The following TENM3 variants were observed in gnomAD, a reference collection of about 807,000 sequenced individuals.
TENM3 encodes teneurin transmembrane protein 3.
A neutral mutation model predicts 255.1 loss-of-function variants in TENM3; 63 were observed. That is an observed-to-expected ratio of 0.25 (90% CI 0.20 to 0.30). The LOEUF is 0.30. TENM3 is among the 10% of genes least tolerant of loss of function. The pLI is 1.00. For missense variants in TENM3, 2,929 were observed against 3,461.1 expected (o/e 0.85, Z 3.86); for synonymous variants, 1,306 against 1,322.3 (o/e 0.99, Z 0.27).
chr4:182,192,244 G>A (rs1345964259), intron 1 of TENM3, among the ~76,000 whole-genome samples: 1 of 152,104 alleles, frequency 6.6e-6, no homozygotes, highest in Non-Finnish European at 1.5e-5. Context: ...AGTTTCTACC[G>A]AGGGTCCACA....
intron 3 of TENM3, among the ~76,000 whole-genome samples, chr4:182,388,986 C>A (rs573147926): frequency 6.6e-6 from 1 of 152,272 alleles, no homozygotes; most frequent in East Asian, 1.9e-4. Flanking sequence ...TAAATCTAGT[C>A]CCTTTCATAA....
At chr4:181,620,630 T>G in the TENM3 span, among the ~76,000 whole-genome samples, 1 of 143,098 alleles carries the variant, frequency 7.0e-6, no homozygotes, top group South Asian at 2.2e-4. Context: ...AGGGAAAGCC[T>G]ACGTGAGGAG....
At chr4:181,495,053 G>C in the TENM3 span, among the ~76,000 whole-genome samples, 3 of 152,050 alleles carry the variant, frequency 2.0e-5, no homozygotes, top group African/African-American at 7.2e-5. Context: ...AATTTATTAA[G>C]TTTCAGGCAT....
chr4:181,733,759 G>A, the TENM3 span, among the ~76,000 whole-genome samples: 1 of 152,190 alleles, frequency 6.6e-6, no homozygotes, highest in Non-Finnish European at 1.5e-5. Flanking sequence ...GTCCCCGGAA[G>A]AGGGACGCAG....
At chr4:182,562,033 T>TACAC (rs774683077) in intron 3 of TENM3, among the ~76,000 whole-genome samples, 6 of 150,420 alleles carry the variant, frequency 4.0e-5, no homozygotes, top group African/African-American at 1.5e-4. Flanking sequence ...GATAGATAGA[T>TACAC]ACACACCCTA....
chr4:182,033,854 C>T, the TENM3 span, among the ~76,000 whole-genome samples: 150 of 152,284 alleles, frequency 9.9e-4, no homozygotes, highest in African/African-American at 3.5e-3. Context: ...ACTAGGATTG[C>T]AGCACTTGCA....
chr4:182,652,622 T>A (rs747218870), intron 5 of TENM3, among the ~76,000 whole-genome samples: 1 of 152,202 alleles, frequency 6.6e-6, no homozygotes, highest in Non-Finnish European at 1.5e-5. Flanking sequence ...TCTGACTGCA[T>A]CCAAAGCCCC....
intron 1 of TENM3, among the ~76,000 whole-genome samples, chr4:182,149,464 A>G (rs181406548): frequency 1.4e-4 from 22 of 152,170 alleles, no homozygotes; most frequent in African/African-American, 4.1e-4. Flanking sequence ...ACTCAAACCC[A>G]TGTCTTTCTA....
chr4:181,962,029 C>T, the TENM3 span, among the ~76,000 whole-genome samples: 1 of 152,170 alleles, frequency 6.6e-6, no homozygotes, highest in African/African-American at 2.4e-5. Context: ...AGGAAGTAGG[C>T]AGGAGCCAGT....
intron 22 of TENM3, among the ~76,000 whole-genome samples, chr4:182,764,174 T>C (rs776569905): frequency 6.6e-6 from 1 of 152,358 alleles, no homozygotes; most frequent in Non-Finnish European, 1.5e-5. Context: ...ATTAAATTAT[T>C]TCAAACCTCT....
intron 3 of TENM3, among the ~76,000 whole-genome samples, chr4:182,355,220 C>T (rs1305892122): frequency 6.6e-6 from 1 of 152,110 alleles, no homozygotes; most frequent in African/African-American, 2.4e-5. Flanking sequence ...TTAGACAGAA[C>T]AGCAAAGGAG....
chr4:181,854,175 CA>C, the TENM3 span, among the ~76,000 whole-genome samples: 1 of 152,310 alleles, frequency 6.6e-6, no homozygotes, highest in African/African-American at 2.4e-5. Context: ...CACTGATCAT[CA>C]GTCACAATTT....
chr4:182,800,363 C>A lies in TENM3; in HGVS notation c.*12C>A. The stretch of plus-strand genomic sequence containing the variant: ...TCGGCAGGAGGTAACGCCCGGGCCG[C>A]GCCCGCCGAGCCGCTCACGCCCTGC... On this transcript the variant is annotated 3_prime_UTR_variant, in exon 28 of 28. Transcript: ENST00000511685. The A allele has an allele frequency of 6.7e-7, 1 of 1,503,754 alleles. No homozygotes were observed. Among genetic ancestry groups the A allele is most frequent in the Non-Finnish European group, 8.8e-7 (1 of 1,131,558 alleles). The allele number at this position is 1,503,754 out of a possible 1,614,324, so 93.2% of individuals were successfully genotyped here.
the TENM3 span, among the ~76,000 whole-genome samples, chr4:181,552,882 A>G: frequency 1.3e-5 from 2 of 152,308 alleles, no homozygotes; most frequent in African/African-American, 2.4e-5. Flanking sequence ...AATTCATTTG[A>G]TTTCATGATT....
chr4:182,619,643 CTTG>C (rs147701539), intron 4 of TENM3, among the ~76,000 whole-genome samples: 30,379 of 152,050 alleles, frequency 0.2, 3,643 homozygotes, highest in Non-Finnish European at 0.27. Context: ...CCGTTCTTGT[CTTG>C]TTGTTGTTAA....
chr4:182,775,232 C>T, intron 24 of TENM3, 79 bp downstream of exon 24: 1 of 1,245,690 alleles, frequency 8.0e-7, no homozygotes, highest in East Asian at 2.4e-5. Context: ...GTTGCGTCTC[C>T]TGCTCACCCC....
At chr4:182,468,254 A>G (rs553706886) in intron 3 of TENM3, among the ~76,000 whole-genome samples, 6 of 152,178 alleles carry the variant, frequency 3.9e-5, no homozygotes, top group Admixed American at 6.5e-5. Flanking sequence ...AAGGCATTAC[A>G]TAACAAAAGT....
At chr4:181,658,618 A>G in the TENM3 span, among the ~76,000 whole-genome samples, 1 of 152,208 alleles carries the variant, frequency 6.6e-6, no homozygotes, top group African/African-American at 2.4e-5. Context: ...GGGTTTTGCT[A>G]CATTGATTCT....
chr4:182,665,357 A>G (rs2152538051), intron 6 of TENM3, among the ~76,000 whole-genome samples: 2 of 152,340 alleles, frequency 1.3e-5, no homozygotes, highest in South Asian at 4.1e-4. Context: ...GATTGCTTTC[A>G]AAATATTACT....
Sources: allele counts gnomAD v4.1 joint callset (sites outside exome capture counted in the v4.1 genomes callset), GRCh38; gene constraint gnomAD v4.1.1; transcripts MANE v1.5; gene names NCBI Gene and HGNC (gene_info 2026-07-23, HGNC 2026-07-21).